ANKMY1: variants seen among roughly 807,000 people sequenced by gnomAD.
ANKMY1 encodes ankyrin repeat and MYND domain containing 1, also known as ankyrin repeat and MYND domain-containing protein 1.
In ANKMY1, 98 loss-of-function variants were observed where a neutral mutation model predicts 102.0. That is an observed-to-expected ratio of 0.96 (90% CI 0.82 to 1.14). The LOEUF (loss-of-function observed/expected upper bound fraction) is 1.14. ANKMY1 is among the 50% of genes most tolerant of loss of function. The pLI, the probability that ANKMY1 is intolerant of heterozygous loss-of-function variation, is 0.00. For synonymous variants in ANKMY1, 582 were observed against 559.9 expected, an observed-to-expected ratio of 1.04 and a Z score of -0.56; for missense variants, 1,330 against 1,347.6, an observed-to-expected ratio of 0.99 and a Z score of 0.20.
rs2083472753 is a variant in ANKMY1, at chr2:240,526,604, C to A, written c.954-159G>T. Reference sequence around the variant, plus strand: ...CCCTGAGTGCTGGCAGCTGCACCCGCAGCTGCTCACAATCCACTAGGTTGC... The same window carrying A: ...CCCTGAGTGCTGGCAGCTGCACCCGAAGCTGCTCACAATCCACTAGGTTGC... On this transcript the variant is annotated intron_variant, in intron 5 of 17. Coordinates refer to ENST00000401804, the MANE Select transcript of ANKMY1 (RefSeq NM_001282771.3). 7 of 1,459,658 alleles carry A rather than the reference C, an allele frequency of 4.8e-6. No homozygotes were observed. In the South Asian group the frequency reaches 8.5e-5, roughly 18 times the overall value. The allele number at this position is 1,459,658 out of a possible 1,614,324, so 90.4% of individuals were successfully genotyped here. A position where few individuals can be genotyped will look rare whatever the true frequency, so the allele number is the denominator to read the frequency against.
chr2:240,548,641 A>G (rs2090914108), intron 4 of ANKMY1, among the ~76,000 whole-genome samples: 1 of 151,864 alleles, frequency 6.6e-6, no homozygotes, highest in East Asian at 1.9e-4. Flanking sequence ...AAATCTCCTT[A>G]AGCTGATAAG....
At chr2:240,503,147 G>A (rs1337480049) in intron 13 of ANKMY1, among the ~76,000 whole-genome samples, 1 of 152,178 alleles carries the variant, frequency 6.6e-6, no homozygotes, top group Non-Finnish European at 1.5e-5. Context: ...TAAGAGGAAG[G>A]GGCGGCCTGA....
At position 240,500,439 on chromosome 2, in the gene ANKMY1, G is replaced by A. The variant is rs368851456; in HGVS notation, c.2640+13C>T. ...CACTCCCCCTCCTTCCTCATGGGAG[G>A]CTCACCACCTACCTGGAAGAATCTG... On this transcript the variant is annotated intron_variant, in intron 14 of 17. Coordinates refer to ENST00000401804, the MANE Select transcript of ANKMY1 (RefSeq NM_001282771.3). The A allele has an allele frequency of 3.0e-5, 49 of 1,610,610 alleles. No homozygotes were observed. In the East Asian group the frequency reaches 4.9e-4, roughly 16 times the overall value.
Position 240,524,108 on chromosome 2 carries a change from C to T in ANKMY1, c.1609G>A (p.Gly537Arg), listed in dbSNP as rs747966097. The T allele has an allele frequency of 2.9e-5, 46 of 1,613,938 alleles. No homozygotes were observed. Among genetic ancestry groups the T allele is most frequent in the South Asian group, 1.9e-4 (17 of 91,092 alleles). Reference protein sequence around the residue: ...VKGSLGHVESGLEDVLGNTDR... With the variant: ...VKGSLGHVESRLEDVLGNTDR... ...GTGTTTCCCAACACGTCCTCAAGCC[C>T]GCTTTCCACATGGCCAAGGCTGCCC... The change falls in exon 8 of 18, where the codon GGG (glycine) becomes AGG (arginine). Residue 537 changes from glycine to arginine, a missense_variant. By Grantham distance (125) the Gly-to-Arg change is moderately radical. Coordinates refer to ENST00000401804, the MANE Select transcript of ANKMY1 (RefSeq NM_001282771.3).
At chr2:240,480,640 C>T (rs1318277063) in intron 17 of ANKMY1, among the ~76,000 whole-genome samples, 4 of 151,998 alleles carry the variant, frequency 2.6e-5, no homozygotes, top group Admixed American at 2.6e-4. Flanking sequence ...TTCAGTGAAG[C>T]TCCCAGGTGT....
In ANKMY1 at chr2:240,499,933, G is replaced by T; in HGVS notation, c.2806+25C>A. The T allele has an allele frequency of 6.2e-7, 1 of 1,601,554 alleles. No homozygotes were observed. Among genetic ancestry groups the T allele is most frequent in the South Asian group, 1.1e-5 (1 of 90,026 alleles). The stretch of plus-strand genomic sequence containing the variant: ...GGCCGGAACGCCGCCCTGTGGAGCA[G>T]AGCAGAGCAGGGCCCACTGCTCACC... On this transcript the variant is annotated intron_variant, in intron 15 of 17. Coordinates refer to ENST00000401804, the MANE Select transcript of ANKMY1 (RefSeq NM_001282771.3). This position sits in a 1 kb window ranked among gnomAD's most constrained non-coding sequence, Gnocchi z 4.2.
intron 4 of ANKMY1, among the ~76,000 whole-genome samples, chr2:240,542,022 C>T (rs996160483): frequency 8.6e-5 from 13 of 151,574 alleles, no homozygotes; most frequent in Non-Finnish European, 2.9e-5. Flanking sequence ...CCAGCCTGGC[C>T]AACATGGTGA....
At chr2:240,482,473 G>A (rs76812266) in intron 15 of ANKMY1, among the ~76,000 whole-genome samples, 2,598 of 152,362 alleles carry the variant, frequency 0.017, 170 homozygotes, top group East Asian at 0.15. Flanking sequence ...AGGCTCCAGG[G>A]AGGGGCTTCA....
chr2:240,468,845 C>T, the ANKMY1 span, among the ~76,000 whole-genome samples: 1 of 152,172 alleles, frequency 6.6e-6, no homozygotes, highest in African/African-American at 2.4e-5. Flanking sequence ...TGCTGAACTC[C>T]ACTGCTTAGT....
intron 17 of ANKMY1, among the ~76,000 whole-genome samples, chr2:240,479,939 C>A (rs532731235): frequency 2.0e-4 from 30 of 152,262 alleles, no homozygotes; most frequent in African/African-American, 7.2e-4. Flanking sequence ...TGGCTGCGCG[C>A]GGTGGCTCAT....
chr2:240,557,316 G>A lies in ANKMY1; in HGVS notation c.20C>T (p.Ser7Phe), dbSNP rs754177072. The change falls in exon 2 of 18, where the codon TCC becomes TTC. Residue 7 changes from serine to phenylalanine, a missense_variant. By Grantham distance (155) the Ser-to-Phe change is radical (BLOSUM62 -2). Transcript: ENST00000401804. ...AGAGACTTCGTCCTCTAAGCTAAGG[G>A]AGGCATGGGCCCCTTCCATGTCTGT... MEGAHA[S>F]LSLEDEVSGA... 5.7e-6 allele frequency: 9 copies of A among 1,581,676 alleles called. No individual in the cohort carries two copies.
At chr2:240,557,150 A>AG (rs2092435178) in intron 2 of ANKMY1, 40 bp downstream of exon 2, 2 of 1,400,236 alleles carry the variant, frequency 1.4e-6, no homozygotes, top group Non-Finnish European at 1.9e-6. Context: ...CCTGGGCCCC[A>AG]GGTCAGGGTC....
rs2084869323 is a variant in ANKMY1 at position 240,529,728 on chromosome 2, A to G, written c.481-219T>C. ...GGAAGGAGGGCACTCCAGAGAGTGC[A>G]TGGAGGGGCAAGGGGGCAGCCAGGG... is the stretch of plus-strand genomic sequence containing the variant. On this transcript the variant is annotated intron_variant, in intron 4 of 17. Transcript: ENST00000401804. The surrounding 1 kb of genome is among the most constrained non-coding windows in gnomAD (Gnocchi z 4.2). Among the ~76,000 whole-genome samples the G allele has an allele frequency of 1.3e-5, 2 of 152,144 alleles. No homozygotes were observed. Among genetic ancestry groups the G allele is most frequent in the Non-Finnish European group, 1.5e-5 (1 of 68,014 alleles).
At chr2:240,525,990 A>C in intron 6 of ANKMY1, 141 bp from the exon 7 acceptor site, 1 of 1,159,172 alleles carries the variant, frequency 8.6e-7, no homozygotes, top group Non-Finnish European at 1.2e-6. Flanking sequence ...TGGCAAAGGG[A>C]CAAGTGTGGG....
intron 4 of ANKMY1, among the ~76,000 whole-genome samples, chr2:240,549,017 TAAAG>T (rs1171042052): frequency 1.3e-5 from 2 of 151,924 alleles, no homozygotes; most frequent in African/African-American, 2.4e-5. Context: ...AAAACTACTT[TAAAG>T]TTCATATGGA....
At chr2:240,537,333 G>C (rs1224946485) in intron 4 of ANKMY1, among the ~76,000 whole-genome samples, 3 of 152,148 alleles carry the variant, frequency 2.0e-5, no homozygotes, top group Non-Finnish European at 4.4e-5. Context: ...CATGTTCGTA[G>C]GATTTCCGAT....
At chr2:240,483,882 G>GT (rs1352020900) in intron 15 of ANKMY1, among the ~76,000 whole-genome samples, 7 of 151,920 alleles carry the variant, frequency 4.6e-5, no homozygotes, top group African/African-American at 1.7e-4. Context: ...TCCCCTCCCT[G>GT]TGTCCATATG....
rs1444244285 is a variant in ANKMY1, at chr2:240,525,606, G to A, written c.1335+79C>T. 5.3e-6 allele frequency: 8 copies of A among 1,497,626 alleles called. No homozygotes were observed. In the East Asian group the frequency reaches 1.7e-4, roughly 31 times the overall value. The allele number at this position is 1,497,626 out of a possible 1,614,324, so 92.8% of individuals were successfully genotyped here. ...ACAAGCCTGGTCCACACAGGAGGGA[G>A]GAGGCTTGGTGGACATTTACAGAGA... is the stretch of plus-strand genomic sequence containing the variant. On this transcript the variant is annotated intron_variant, in intron 7 of 17. Transcript: ENST00000401804.
chr2:240,475,397 C>T (rs991564105), downstream of ANKMY1, among the ~76,000 whole-genome samples: 1 of 151,570 alleles, frequency 6.6e-6, no homozygotes, highest in South Asian at 2.1e-4. Context: ...AGAAAACAAT[C>T]CCATTTACAA....
Sources: allele counts gnomAD v4.1 joint callset (sites outside exome capture counted in the v4.1 genomes callset), GRCh38; gene constraint gnomAD v4.1.1; non-coding constraint Gnocchi (gnomAD v3.1); transcripts MANE v1.5; gene names NCBI Gene and HGNC (gene_info 2026-07-23, HGNC 2026-07-21).